Variants in SCEL observed in about 807,000 individuals in gnomAD.
SCEL encodes the protein sciellin.
A neutral mutation model predicts 117.6 loss-of-function variants in SCEL; 113 were observed. That is an observed-to-expected ratio of 0.96 (90% CI 0.83 to 1.12). The LOEUF (loss-of-function observed/expected upper bound fraction) is 1.12, where lower values mean the gene tolerates loss of function less well. Among genes scored for constraint, SCEL ranks in the 50% most tolerant of loss-of-function variants. The pLI is 0.00. For synonymous variants in SCEL, 270 were observed against 256.2 expected (o/e 1.05, Z -0.51); for missense variants, 785 against 810.8 (o/e 0.97, Z 0.39).
At chr13:77,543,165 G>A (rs1299916515) in intron 1 of SCEL, among the ~76,000 whole-genome samples, 1 of 143,768 alleles carries the variant, frequency 7.0e-6, no homozygotes, top group East Asian at 2.1e-4. Context: ...CTCACTGCAA[G>A]CTCCGCCTCC....
At chr13:77,590,159 A>G (rs1391119565) in intron 10 of SCEL, among the ~76,000 whole-genome samples, 2 of 152,138 alleles carry the variant, frequency 1.3e-5, no homozygotes, top group African/African-American at 4.8e-5. Flanking sequence ...ACAATTATAG[A>G]AATATTCTTC....
intron 31 of SCEL, among the ~76,000 whole-genome samples, chr13:77,642,257 T>C (rs2090591716): frequency 6.6e-6 from 1 of 152,202 alleles, no homozygotes; most frequent in Non-Finnish European, 1.5e-5. Flanking sequence ...TCAGTAAATT[T>C]GCTTCTGAAA....
At chr13:77,586,112 C>A (rs1567381803) in intron 9 of SCEL, among the ~76,000 whole-genome samples, 1 of 152,128 alleles carries the variant, frequency 6.6e-6, no homozygotes, top group Non-Finnish European at 1.5e-5. Context: ...CACACTCATT[C>A]TTTGAAGACT....
intron 22 of SCEL, among the ~76,000 whole-genome samples, chr13:77,610,449 CAAAA>C (rs11356008): frequency 1.2e-4 from 14 of 112,500 alleles, no homozygotes; most frequent in Non-Finnish European, 9.2e-5. Context: ...AAGACTCCGT[CAAAA>C]AAAAAAAAAA....
chr13:77,538,172 G>A (rs1431338738), intron 1 of SCEL, among the ~76,000 whole-genome samples: 2 of 147,086 alleles, frequency 1.4e-5, no homozygotes, highest in East Asian at 2.0e-4. Context: ...TCTGGAGTGC[G>A]ATGGCACAAT....
rs1219208766 is a variant in SCEL at position 77,559,831 on chromosome 13, C to A, written c.189C>A (p.Leu63=). ...ATGAAAATTACGGTAGGGTGGTGCTCAACCGACATAATTCCCATGATGCAT... is the reference window on the plus strand; with the variant it reads ...ATGAAAATTACGGTAGGGTGGTGCTAAACCGACATAATTCCCATGATGCAT... ...EKDENYGRVV[L]NRHNSHDALD... is the part of the protein sequence containing the mutation. Residue 63 remains leucine, a synonymous_variant, in exon 4 of 33, where the codon CTC becomes CTA. Coordinates refer to ENST00000349847, the MANE Select transcript of SCEL (RefSeq NM_144777.3). 28 of 1,613,740 alleles carry A rather than the reference C, an allele frequency of 1.7e-5. No individual in the cohort carries two copies. Among genetic ancestry groups the A allele is most frequent in the Non-Finnish European group, 2.3e-5 (27 of 1,179,852 alleles).
At position 77,618,160 on chromosome 13, in the gene SCEL, C is replaced by T. The variant is rs1594137985; in HGVS notation, c.1628+100C>T. The T allele has an allele frequency of 4.7e-6, 4 of 855,106 alleles. No homozygotes were observed. The East Asian group carries it at 9.6e-5, about 21-fold the overall frequency. 53.0% of individuals were successfully genotyped at this position (855,106 alleles called of 1,614,324 possible). On this transcript the variant is annotated intron_variant, in intron 27 of 32. Transcript: ENST00000349847. ...TGCCTCCCTCCCTTCCTCCCTTACT[C>T]CTTTCCTCCCTTCCTCCCTTTTTTC...
chr13:77,617,618 C>G lies in SCEL; in HGVS notation c.1471C>G (p.Leu491Val). 1 of 1,594,586 alleles carries G rather than the reference C, an allele frequency of 6.3e-7. No homozygotes were observed. The highest frequency in any genetic ancestry group is 1.1e-5 in the South Asian group (1 of 88,202). The change falls in exon 25 of 33, where the codon CTC becomes GTC. Residue 491 changes from leucine to valine, a missense_variant. Leu to Val is a conservative substitution (Grantham distance 32, BLOSUM62 1). Coordinates refer to ENST00000349847, the MANE Select transcript of SCEL (RefSeq NM_144777.3). ...NTDGKQDLDK[L>V]IKVNPEIFTN... ...TTAAAGAAAACAAGATCTTGATAAA[C>G]TCATCAAGGTGAATCCTGAAATTTT...
At chr13:77,625,643 T>C (rs1244978567) in intron 27 of SCEL, among the ~76,000 whole-genome samples, 1 of 152,218 alleles carries the variant, frequency 6.6e-6, no homozygotes, top group Admixed American at 6.5e-5. Flanking sequence ...GGCTTAAGTA[T>C]GGCTAGGGAA....
chr13:77,602,735 C>G, intron 17 of SCEL, 22 bp downstream of exon 17: 2 of 1,598,168 alleles, frequency 1.3e-6, no homozygotes, highest in Non-Finnish European at 1.7e-6. Flanking sequence ...ACAGATGTCT[C>G]TAAATATTGG....
Position 77,642,725 on chromosome 13 carries a change from C to A in SCEL, c.1967C>A (p.Pro656His). The A allele has an allele frequency of 6.3e-7, 1 of 1,596,592 alleles. No individual in the cohort carries two copies. The highest frequency in any genetic ancestry group is 8.5e-7 in the Non-Finnish European group (1 of 1,170,156). The stretch of plus-strand genomic sequence containing the variant: ...CTTTAGTGTGAAATATGCAAGCAGC[C>A]TTTGGAAAATCTACAAGCGGGTGAT... Reference protein sequence around the residue: ...TCFKCEICKQPLENLQAGDSI... With the variant: ...TCFKCEICKQHLENLQAGDSI... The change falls in exon 32 of 33, where the codon CCT becomes CAT. Residue 656 changes from proline (P) to histidine (H), a missense_variant. Coordinates refer to ENST00000349847, the MANE Select transcript of SCEL (RefSeq NM_144777.3).
rs1347290213 is a variant in SCEL at position 77,602,107 on chromosome 13, T to G, written c.960T>G (p.Thr320=). The change falls in exon 16 of 33, where the codon ACT becomes ACG. Residue 320 remains threonine (T), a synonymous_variant. Transcript: ENST00000349847. ...LGSPIKVNQR[T]DKNEKGRQNL... is the part of the protein sequence containing the mutation. ...GTCCGATTAAAGTTAATCAAAGGAC[T>G]GACAAAAATGAGAAAGGGTAAGTCA... The G allele has an allele frequency of 6.2e-7, 1 of 1,611,348 alleles. No homozygotes were observed. The highest frequency in any genetic ancestry group is 2.2e-5 in the East Asian group (1 of 44,776).
chr13:77,547,388 C>T (rs915882754), intron 1 of SCEL, among the ~76,000 whole-genome samples: 1 of 152,162 alleles, frequency 6.6e-6, no homozygotes, highest in African/African-American at 2.4e-5. Context: ...TGATGTTTCA[C>T]ATATGAGACT....
intron 24 of SCEL, 47 bp downstream of exon 24, chr13:77,614,002 C>A: frequency 2.2e-6 from 3 of 1,383,132 alleles, no homozygotes; most frequent in Non-Finnish European, 3.1e-6. Context: ...TAAGTAAACC[C>A]AAAATTAATA....
chr13:77,540,071 T>C (rs2083620324), intron 1 of SCEL, among the ~76,000 whole-genome samples: 1 of 152,186 alleles, frequency 6.6e-6, no homozygotes, highest in African/African-American at 2.4e-5. Flanking sequence ...GAATTTAAAG[T>C]GTGACAAAGG....
intron 9 of SCEL, among the ~76,000 whole-genome samples, chr13:77,574,250 C>T (rs1051425913): frequency 2.0e-5 from 3 of 152,170 alleles, no homozygotes; most frequent in Non-Finnish European, 4.4e-5. Context: ...TTGCACAGAG[C>T]TGATGGGACT....
At chr13:77,539,579 C>T (rs1448420673) in intron 1 of SCEL, among the ~76,000 whole-genome samples, 2 of 151,838 alleles carry the variant, frequency 1.3e-5, no homozygotes, top group African/African-American at 2.4e-5. Flanking sequence ...GCTCTTTCAC[C>T]CAGGCTGGAC....
intron 9 of SCEL, among the ~76,000 whole-genome samples, chr13:77,575,137 T>G (rs1287744921): frequency 6.6e-6 from 1 of 152,220 alleles, no homozygotes; most frequent in Non-Finnish European, 1.5e-5. Context: ...ATTTGTCCCT[T>G]TCTTAATTTA....
intron 8 of SCEL, 115 bp downstream of exon 8, chr13:77,569,566 T>A (rs2085480949): frequency 3.0e-6 from 2 of 676,652 alleles, no homozygotes; most frequent in Non-Finnish European, 2.5e-6. Context: ...GTTCCCAAAC[T>A]TCAGCTCTTT....
Sources: gnomAD v4.1 joint callset for allele counts (sites outside exome capture counted in the v4.1 genomes callset) on GRCh38, gnomAD v4.1.1 for gene constraint, MANE v1.5 for transcripts, NCBI Gene and HGNC (gene_info 2026-07-23, HGNC 2026-07-21) for gene names.